The following DLGAP3 variants were observed in gnomAD, a reference collection of about 807,000 sequenced individuals.
The protein encoded by DLGAP3 is disks large-associated protein 3.
In DLGAP3, 17 loss-of-function variants were observed where a neutral mutation model predicts 81.2. The observed-to-expected ratio is 0.21, with a 90% CI of 0.14 to 0.31. DLGAP3 has a LOEUF of 0.31. DLGAP3 is among the 10% of genes least tolerant of loss of function. The probability of loss-of-function intolerance (pLI) is 1.00; values close to 1 mark genes in which losing one functional copy is unlikely to be tolerated. For synonymous variants in DLGAP3, 577 were observed against 587.4 expected (o/e 0.98, Z 0.26); for missense variants, 1,124 against 1,388.0 (o/e 0.81, Z 3.02).
At chr1:34,919,988 T>C (rs1639773278) in intron 1 of DLGAP3, among the ~76,000 whole-genome samples, 1 of 152,106 alleles carries the variant, frequency 6.6e-6, no homozygotes, top group Non-Finnish European at 1.5e-5. Context: ...GGACCAGAAG[T>C]GGAGCAGGAG....
intron 8 of DLGAP3, among the ~76,000 whole-genome samples, chr1:34,880,801 G>A (rs1285088023): frequency 1.3e-5 from 2 of 152,046 alleles, no homozygotes; most frequent in Non-Finnish European, 2.9e-5. Flanking sequence ...TTTGAAAACT[G>A]TCAATTCTTA....
chr1:34,877,701 T>G (rs1304609004), intron 8 of DLGAP3, among the ~76,000 whole-genome samples: 1 of 152,188 alleles, frequency 6.6e-6, no homozygotes, highest in African/African-American at 2.4e-5. Context: ...GTTTTGTGCC[T>G]AAGAAGGACA....
chr1:34,896,083 C>G (rs1017532722), intron 5 of DLGAP3, among the ~76,000 whole-genome samples: 1 of 151,990 alleles, frequency 6.6e-6, no homozygotes, highest in Non-Finnish European at 1.5e-5. Flanking sequence ...AAAGCACAAT[C>G]AAGAAGAGAA....
intron 1 of DLGAP3, among the ~76,000 whole-genome samples, chr1:34,923,055 T>G (rs1409147841): frequency 6.6e-6 from 1 of 151,836 alleles, no homozygotes; most frequent in Non-Finnish European, 1.5e-5. Flanking sequence ...ATAAAGTAGG[T>G]GTACCTCTTC....
chr1:34,906,679 C>T (rs1346496838), intron 2 of DLGAP3, among the ~76,000 whole-genome samples: 1 of 152,188 alleles, frequency 6.6e-6, no homozygotes, highest in Non-Finnish European at 1.5e-5. Context: ...ACAGCGGCTA[C>T]ACACAGTAGC....
intron 5 of DLGAP3, among the ~76,000 whole-genome samples, chr1:34,893,178 C>CAAAA (rs58802413): frequency 5.9e-5 from 5 of 84,836 alleles, no homozygotes; most frequent in African/African-American, 8.7e-5. Flanking sequence ...GACTCCGTCT[C>CAAAA]AAAAAAAAAA....
chr1:34,911,620 G>A (rs1411033553), intron 1 of DLGAP3, among the ~76,000 whole-genome samples: 3 of 152,138 alleles, frequency 2.0e-5, no homozygotes, highest in African/African-American at 7.2e-5. Flanking sequence ...GATGCAGCTC[G>A]AATCTATCTG....
chr1:34,924,152 T>G (rs1481755979), intron 1 of DLGAP3, among the ~76,000 whole-genome samples: 1 of 152,144 alleles, frequency 6.6e-6, no homozygotes, highest in Non-Finnish European at 1.5e-5. Flanking sequence ...AGACAGTGCA[T>G]AAGAATACAG....
rs77048244 is a variant in DLGAP3 at position 34,868,711 on chromosome 1, G to A, written c.2379C>T (p.Arg793=). 1,079 of 1,610,906 alleles carry A rather than the reference G, an allele frequency of 6.7e-4. 5 individuals carry two copies. The African/African-American group carries it at 0.012, about 18-fold the overall frequency. ...PDSGRASPCP[R]DGEWFIKMLR... ...GCATCTTGATGAACCACTCGCCGTC[G>A]CGTGGGCAGGGGGATGCGCGGCCTG... Residue 793 remains arginine (R), a synonymous_variant, in exon 9 of 12, where the codon CGC becomes CGT. Transcript: ENST00000373347. This position sits in a 1 kb window ranked among gnomAD's most constrained non-coding sequence, Gnocchi z 7.5.
At chr1:34,926,998 G>C (rs1639882442) in intron 1 of DLGAP3, among the ~76,000 whole-genome samples, 1 of 152,196 alleles carries the variant, frequency 6.6e-6, no homozygotes, top group Admixed American at 6.5e-5. Flanking sequence ...TTAGGTGTCA[G>C]GCAGCCGCTG....
chr1:34,926,417 G>A (rs1282099312), intron 1 of DLGAP3, among the ~76,000 whole-genome samples: 2 of 152,220 alleles, frequency 1.3e-5, no homozygotes, highest in Non-Finnish European at 2.9e-5. Context: ...GACGGCAGGA[G>A]GCCCGCTGAG....
At chr1:34,908,812 G>A (rs1331961732) in intron 1 of DLGAP3, among the ~76,000 whole-genome samples, 1 of 152,166 alleles carries the variant, frequency 6.6e-6, no homozygotes, top group African/African-American at 2.4e-5. Flanking sequence ...TGGTTACCCT[G>A]CCCAAAGAGA....
At chr1:34,913,122 G>T (rs1287406216) in intron 1 of DLGAP3, among the ~76,000 whole-genome samples, 1 of 152,170 alleles carries the variant, frequency 6.6e-6, no homozygotes, top group Non-Finnish European at 1.5e-5. Context: ...CACTGCCCCA[G>T]AAAATGGAGA....
chr1:34,917,859 T>C (rs537996480), intron 1 of DLGAP3, among the ~76,000 whole-genome samples: 2 of 152,214 alleles, frequency 1.3e-5, no homozygotes, highest in African/African-American at 4.8e-5. Flanking sequence ...TGAGCCATGA[T>C]GCTCCTTCTC....
At position 34,868,479 on chromosome 1, in the gene DLGAP3, A is replaced by G. The variant is rs1569590430; in HGVS notation, c.2485+126T>C. 3 of 778,596 alleles carry G rather than the reference A, an allele frequency of 3.9e-6. No homozygotes were observed. Among genetic ancestry groups the G allele is most frequent in the Non-Finnish European group, 6.7e-6 (3 of 448,518 alleles). The allele number at this position is 778,596 out of a possible 1,614,324, so 48.2% of individuals were successfully genotyped here. A position where few individuals can be genotyped will look rare whatever the true frequency, so the allele number is the denominator to read the frequency against. ...GACCCGCCACGCTCCAGTGCAGAAGACCAGTGAGGCACCAACCGAAGGGGC... is the reference window on the plus strand; with the variant it reads ...GACCCGCCACGCTCCAGTGCAGAAGGCCAGTGAGGCACCAACCGAAGGGGC... On this transcript the variant is annotated intron_variant, in intron 9 of 11. Transcript: ENST00000373347. The surrounding 1 kb of genome is among the most constrained non-coding windows in gnomAD (Gnocchi z 7.5).
chr1:34,880,036 T>C (rs967175746), intron 8 of DLGAP3, among the ~76,000 whole-genome samples: 10 of 152,120 alleles, frequency 6.6e-5, no homozygotes, highest in African/African-American at 2.2e-4. Context: ...TTTCAACATA[T>C]GTATTTTTTT....
In DLGAP3 at chr1:34,866,021, G is replaced by A. The variant is rs1325831047; in HGVS notation, c.*62C>T. On this transcript the variant is annotated 3_prime_UTR_variant, in exon 12 of 12. Transcript: ENST00000373347. Reference sequence around the variant, plus strand: ...GGCCCGCGTTCACAGTGACCTCGACGCTGGGTGTACAGTACGGGTGGAGAA... The same window carrying A: ...GGCCCGCGTTCACAGTGACCTCGACACTGGGTGTACAGTACGGGTGGAGAA... The A allele has an allele frequency of 3.5e-6, 5 of 1,425,966 alleles. No homozygotes were observed. Among genetic ancestry groups the A allele is most frequent in the Non-Finnish European group, 4.8e-6 (5 of 1,045,020 alleles). The allele number at this position is 1,425,966 out of a possible 1,614,324, so 88.3% of individuals were successfully genotyped here.
At chr1:34,892,949 G>A (rs1639334551) in intron 5 of DLGAP3, among the ~76,000 whole-genome samples, 1 of 151,690 alleles carries the variant, frequency 6.6e-6, no homozygotes, top group African/African-American at 2.4e-5. Flanking sequence ...GAGGTGGGTG[G>A]ATCATGAGGT....
chr1:34,921,454 T>C (rs1639795791), intron 1 of DLGAP3, among the ~76,000 whole-genome samples: 1 of 152,156 alleles, frequency 6.6e-6, no homozygotes, highest in South Asian at 2.1e-4. Flanking sequence ...TTTCCCTTCC[T>C]CACTCCAGAG....
Sources: gnomAD v4.1 joint callset for allele counts (sites outside exome capture counted in the v4.1 genomes callset) on GRCh38, gnomAD v4.1.1 for gene constraint, Gnocchi (gnomAD v3.1) non-coding constraint, MANE v1.5 for transcripts, NCBI Gene and HGNC (gene_info 2026-07-23, HGNC 2026-07-21) for gene names.